The following COG5 variants were observed in gnomAD, a reference collection of about 807,000 sequenced individuals.
COG5 encodes component of oligomeric golgi complex 5, also known as conserved oligomeric Golgi complex subunit 5.
Under a neutral mutation model 110.4 loss-of-function variants are expected in COG5, and 86 were observed. The observed-to-expected ratio is 0.78, with a 90% confidence interval of 0.65 to 0.93. COG5 has a LOEUF of 0.93. Among genes scored for constraint, COG5 ranks in the 40% least tolerant of loss-of-function variants. COG5 has a pLI of 0.00. For synonymous variants in COG5, 360 were observed against 334.6 expected, an observed-to-expected ratio of 1.08 and a Z score of -0.83; for missense variants, 1,077 against 987.0, an observed-to-expected ratio of 1.09 and a Z score of -1.22.
chr7:107,435,510 G>A (rs1453512012), intron 6 of COG5, among the ~76,000 whole-genome samples: 2 of 152,028 alleles, frequency 1.3e-5, no homozygotes, highest in Non-Finnish European at 2.9e-5. Context: ...AAAATTAGCT[G>A]GGTGTGGTGG....
At chr7:107,404,288 T>C (rs945647976) in intron 7 of COG5, among the ~76,000 whole-genome samples, 2 of 152,172 alleles carry the variant, frequency 1.3e-5, no homozygotes, top group African/African-American at 4.8e-5. Context: ...ACTGATAATA[T>C]GATGTAATTT....
At chr7:107,258,975 G>A (rs1385669279) in intron 14 of COG5, among the ~76,000 whole-genome samples, 1 of 151,792 alleles carries the variant, frequency 6.6e-6, no homozygotes, top group Non-Finnish European at 1.5e-5. Flanking sequence ...ATTTTTTATA[G>A]ATTAAAAAAA....
intron 6 of COG5, among the ~76,000 whole-genome samples, chr7:107,465,951 C>T (rs1796271080): frequency 6.6e-6 from 1 of 152,040 alleles, no homozygotes; most frequent in Non-Finnish European, 1.5e-5. Flanking sequence ...CTTGACACAG[C>T]TTTGTTAAAT....
At chr7:107,543,416 C>A (rs1056535119) in intron 5 of COG5, among the ~76,000 whole-genome samples, 1 of 152,148 alleles carries the variant, frequency 6.6e-6, no homozygotes, top group Non-Finnish European at 1.5e-5. Flanking sequence ...TTGTGTTGGG[C>A]AGGCTGCCCC....
chr7:107,398,757 G>A (rs547175312), intron 7 of COG5, among the ~76,000 whole-genome samples: 2 of 152,286 alleles, frequency 1.3e-5, no homozygotes, highest in East Asian at 3.9e-4. Flanking sequence ...AAAAAACTAA[G>A]AAGACAGAAA....
At chr7:107,495,313 C>T (rs1563066018) in intron 6 of COG5, among the ~76,000 whole-genome samples, 1 of 152,074 alleles carries the variant, frequency 6.6e-6, no homozygotes, top group Non-Finnish European at 1.5e-5. Flanking sequence ...ACAGGGAAAA[C>T]CATAAGGTAC....
intron 8 of COG5, among the ~76,000 whole-genome samples, chr7:107,362,752 A>C (rs1029119597): frequency 2.6e-5 from 4 of 151,950 alleles, no homozygotes; most frequent in Non-Finnish European, 5.9e-5. Flanking sequence ...AACCATCTTC[A>C]CTAATTTCCC....
chr7:107,445,465 C>G (rs1409412420), intron 6 of COG5, among the ~76,000 whole-genome samples: 1 of 152,126 alleles, frequency 6.6e-6, no homozygotes, highest in African/African-American at 2.4e-5. Context: ...CATACACAAA[C>G]TGAAAGCAAT....
chr7:107,499,713 A>T (rs1293733853), intron 6 of COG5, among the ~76,000 whole-genome samples: 2 of 151,950 alleles, frequency 1.3e-5, no homozygotes, highest in East Asian at 1.9e-4. Flanking sequence ...TGAAATTTTT[A>T]AAATGAGATG....
chr7:107,415,887 T>TAC (rs1204026271), intron 6 of COG5, among the ~76,000 whole-genome samples: 4 of 111,730 alleles, frequency 3.6e-5, no homozygotes, highest in East Asian at 5.5e-4. Flanking sequence ...TGTGTGTATA[T>TAC]ACACACACAT....
chr7:107,399,652 G>A lies in COG5; in HGVS notation c.669+12850C>T, dbSNP rs568820444. ...TTATAAATTACCCAGTCGTGGGTAC[G>A]TCTTTATAGCAGTGTGAAAACCGAC... On this transcript the variant is annotated intron_variant, in intron 7 of 21. Coordinates refer to ENST00000297135, the MANE Select transcript of COG5 (RefSeq NM_006348.5). 7.2e-5 allele frequency among the ~76,000 whole-genome samples: 11 copies of A among 152,242 alleles called. No individual in the cohort carries two copies. The East Asian group carries it at 1.4e-3, about 19-fold the overall frequency.
At chr7:107,504,792 T>TG (rs1360677034) in intron 6 of COG5, among the ~76,000 whole-genome samples, 1 of 152,060 alleles carries the variant, frequency 6.6e-6, no homozygotes, top group Admixed American at 6.5e-5. Context: ...TGCATAGGGG[T>TG]GTTAATAGTA....
intron 6 of COG5, among the ~76,000 whole-genome samples, chr7:107,437,685 T>G (rs1053339647): frequency 3.6e-4 from 55 of 152,318 alleles, no homozygotes; most frequent in African/African-American, 1.2e-3. Flanking sequence ...GATGCACATA[T>G]TAATGTACAT....
At chr7:107,415,671 G>A (rs1263217181) in intron 6 of COG5, among the ~76,000 whole-genome samples, 1 of 151,076 alleles carries the variant, frequency 6.6e-6, no homozygotes, top group Non-Finnish European at 1.5e-5. Context: ...AGTGTTAATT[G>A]CAACAGTAAC....
chr7:107,201,484 T>C lies in COG5; in HGVS notation c.*2032A>G, dbSNP rs987092102. The C allele has an allele frequency of 2.4e-5, 28 of 1,166,732 alleles. No individual in the cohort carries two copies. Among genetic ancestry groups the C allele is most frequent in the Non-Finnish European group, 3.3e-5 (26 of 779,052 alleles). The allele number at this position is 1,166,732 out of a possible 1,614,324, so 72.3% of individuals were successfully genotyped here. The stretch of plus-strand genomic sequence containing the variant: ...TATTTGCATATACATTGACTCTTGA[T>C]GGAAAGACTTAAGAAGATCAAGGTC... On this transcript the variant is annotated 3_prime_UTR_variant, in exon 22 of 22. Transcript: ENST00000297135.
chr7:107,239,611 TTTG>T (rs932996983), intron 17 of COG5, among the ~76,000 whole-genome samples: 40 of 152,216 alleles, frequency 2.6e-4, no homozygotes, highest in African/African-American at 9.4e-4. Flanking sequence ...TATTTGTGTT[TTTG>T]TTGATTTCTT....
At chr7:107,313,516 C>T (rs1808460828) in intron 11 of COG5, among the ~76,000 whole-genome samples, 1 of 152,122 alleles carries the variant, frequency 6.6e-6, no homozygotes, top group Non-Finnish European at 1.5e-5. Context: ...TTTTGGAGGT[C>T]AGAAGTCTGA....
rs1801799501 is a variant in COG5, at chr7:107,243,375, C to T, written c.1853+5021G>A. On this transcript the variant is annotated intron_variant, in intron 17 of 21. Transcript: ENST00000297135. ...AAACATACAAAAAATTAGCCGGGTG[C>T]GGTGGCGGGTGCCTGTAGTCCCAGC... 6.6e-5 allele frequency among the ~76,000 whole-genome samples: 10 copies of T among 151,766 alleles called. 1 individual carries two copies. The highest frequency in any genetic ancestry group is 6.2e-4 in the South Asian group (3 of 4,804).
chr7:107,288,961 T>TATATATATATATA (rs1805927299), intron 12 of COG5, among the ~76,000 whole-genome samples: 1 of 123,270 alleles, frequency 8.1e-6, no homozygotes, highest in East Asian at 2.4e-4. Flanking sequence ...TATATATATA[T>TATATATATATATA]ATTTAAAAAT....
Sources: allele counts gnomAD v4.1 joint callset (sites outside exome capture counted in the v4.1 genomes callset), GRCh38; gene constraint gnomAD v4.1.1; transcripts MANE v1.5; gene names NCBI Gene and HGNC (gene_info 2026-07-23, HGNC 2026-07-21).